Variants in MYO16 observed in about 807,000 individuals in gnomAD.
The protein encoded by MYO16 is unconventional myosin-XVI.
Under a neutral mutation model 205.3 loss-of-function variants are expected in MYO16, and 94 were observed. The observed-to-expected ratio is 0.46, with a 90% confidence interval of 0.39 to 0.54. The LOEUF (loss-of-function observed/expected upper bound fraction) is 0.54. MYO16 is among the 20% of genes least tolerant of loss of function. The probability of loss-of-function intolerance (pLI) is 0.00; values close to 1 mark genes in which losing one functional copy is unlikely to be tolerated. For missense variants in MYO16, 2,315 were observed against 2,387.5 expected (o/e 0.97, Z 0.63); for synonymous variants, 988 against 954.0 (o/e 1.04, Z -0.66).
Position 108,989,442 on chromosome 13 carries a change from A to T in MYO16, c.2370-2934A>T, listed in dbSNP as rs186660177. On this transcript the variant is annotated intron_variant, in intron 20 of 34. Coordinates refer to ENST00000457511, the MANE Select transcript of MYO16 (RefSeq NM_001198950.3). ...ATCTCCATTTCCTCTTTCAAGGCTC[A>T]CTCTATTTCTTTCCAGGCCTTCTGG... is the stretch of plus-strand genomic sequence containing the variant. 3.8e-3 allele frequency among the ~76,000 whole-genome samples: 579 copies of T among 152,098 alleles called. 3 individuals carry two copies. The highest frequency in any genetic ancestry group is 5.6e-3 in the Non-Finnish European group (379 of 67,942).
At chr13:108,554,707 A>G in the MYO16 span, among the ~76,000 whole-genome samples, 12 of 151,874 alleles carry the variant, frequency 7.9e-5, no homozygotes, top group East Asian at 1.9e-4. Flanking sequence ...AAAATTAGCC[A>G]GGAGTGGTGG....
intron 11 of MYO16, among the ~76,000 whole-genome samples, chr13:108,858,626 A>T (rs759627391): frequency 1.5e-4 from 23 of 152,124 alleles, no homozygotes; most frequent in Non-Finnish European, 2.6e-4. Flanking sequence ...TCCTACAGCA[A>T]TTGCATTTTG....
chr13:109,135,132 C>T (rs143515204), intron 31 of MYO16, among the ~76,000 whole-genome samples: 23 of 152,310 alleles, frequency 1.5e-4, no homozygotes, highest in Non-Finnish European at 2.8e-4. Flanking sequence ...GATCCCCCCA[C>T]ACAAGCAAAA....
At chr13:108,503,809 T>A in the MYO16 span, among the ~76,000 whole-genome samples, 2 of 152,084 alleles carry the variant, frequency 1.3e-5, no homozygotes, top group Non-Finnish European at 2.9e-5. Context: ...CTAGAATATA[T>A]CACAATAGTA....
At chr13:108,916,505 C>T (rs9521098) in intron 16 of MYO16, among the ~76,000 whole-genome samples, 1 of 152,052 alleles carries the variant, frequency 6.6e-6, no homozygotes, top group African/African-American at 2.4e-5. Context: ...GCATGTCTGT[C>T]TTTATTTTGC....
chr13:108,805,925 AAAATAAATAAAT>A (rs113156198), intron 6 of MYO16, among the ~76,000 whole-genome samples: 5 of 137,028 alleles, frequency 3.6e-5, no homozygotes, highest in South Asian at 5.0e-4. Context: ...AGTCTCTACC[AAAATAAATAAAT>A]AAATAAATAA....
intron 7 of MYO16, among the ~76,000 whole-genome samples, chr13:108,818,418 AAGAGAG>A (rs148286127): frequency 6.8e-6 from 1 of 148,142 alleles, no homozygotes; most frequent in African/African-American, 2.6e-5. Flanking sequence ...AAAAATAAAA[AAGAGAG>A]AGATTAATAA....
chr13:108,762,844 G>A (rs990860777), intron 4 of MYO16, among the ~76,000 whole-genome samples: 2 of 152,114 alleles, frequency 1.3e-5, no homozygotes, highest in Non-Finnish European at 2.9e-5. Flanking sequence ...CTTAACCTAC[G>A]AGAACACCAT....
At chr13:109,135,150 G>C (rs1353372665) in intron 31 of MYO16, among the ~76,000 whole-genome samples, 1 of 152,206 alleles carries the variant, frequency 6.6e-6, no homozygotes, top group Non-Finnish European at 1.5e-5. Context: ...AAATGCATCA[G>C]AGGGACAGGT....
At chr13:109,121,663 C>T (rs1875995896) in intron 29 of MYO16, among the ~76,000 whole-genome samples, 2 of 152,174 alleles carry the variant, frequency 1.3e-5, no homozygotes, top group African/African-American at 4.8e-5. Flanking sequence ...CCTGTGTTTC[C>T]ATGCAGGGGC....
intron 27 of MYO16, among the ~76,000 whole-genome samples, chr13:109,076,515 T>A (rs1888108741): frequency 6.6e-6 from 1 of 152,150 alleles, no homozygotes; most frequent in Admixed American, 6.5e-5. Context: ...AGCCTCTACT[T>A]CAGGCTCAAG....
intron 27 of MYO16, among the ~76,000 whole-genome samples, chr13:109,093,608 C>T (rs1479027514): frequency 6.6e-6 from 1 of 152,168 alleles, no homozygotes; most frequent in Non-Finnish European, 1.5e-5. Context: ...TGGGAAACGT[C>T]AGCCACAGCC....
intron 2 of MYO16, among the ~76,000 whole-genome samples, chr13:108,694,978 G>C (rs1404609209): frequency 6.6e-6 from 1 of 152,126 alleles, no homozygotes; most frequent in Non-Finnish European, 1.5e-5. Context: ...CGGGTGTGGT[G>C]GCACATTTCT....
intron 9 of MYO16, among the ~76,000 whole-genome samples, chr13:108,836,158 A>G (rs4771615): frequency 0.31 from 47,530 of 152,008 alleles, 8,142 homozygotes; most frequent in East Asian, 0.78. Flanking sequence ...GAGGGACTTG[A>G]TGTCCTGCAC....
chr13:108,873,640 AGG>A (rs1879179983), intron 12 of MYO16, among the ~76,000 whole-genome samples: 1 of 129,300 alleles, frequency 7.7e-6, no homozygotes, highest in Non-Finnish European at 1.7e-5. Flanking sequence ...CCAACCAACC[AGG>A]ACAGGGTCCA....
chr13:109,082,080 G>A (rs1355799098), intron 27 of MYO16, among the ~76,000 whole-genome samples: 1 of 152,204 alleles, frequency 6.6e-6, no homozygotes, highest in African/African-American at 2.4e-5. Context: ...AGAAAATGCT[G>A]ACTTCTGAGC....
intron 33 of MYO16, among the ~76,000 whole-genome samples, chr13:109,176,895 C>G (rs931309290): frequency 2.0e-5 from 3 of 152,150 alleles, no homozygotes; most frequent in African/African-American, 7.2e-5. Flanking sequence ...AGCCCTGACA[C>G]AGGTTCTGGG....
chr13:108,722,307 T>C (rs1884193383), intron 3 of MYO16, among the ~76,000 whole-genome samples: 1 of 152,146 alleles, frequency 6.6e-6, no homozygotes, highest in African/African-American at 2.4e-5. Flanking sequence ...GGGAGGAATA[T>C]TTCCTGGCTT....
chr13:109,099,347 A>G lies in MYO16; in HGVS notation c.3336-1438A>G, dbSNP rs139275543. On this transcript the variant is annotated intron_variant, in intron 27 of 34. Transcript: ENST00000457511. ...TCATTCGCAAAAAACATAAAGCAAG[A>G]AATGCACACTAACATGATGTATAGC... 1.5e-3 allele frequency among the ~76,000 whole-genome samples: 222 copies of G among 152,378 alleles called. 2 individuals are homozygous for G. Among genetic ancestry groups the G allele is most frequent in the Non-Finnish European group, 2.7e-3 (184 of 68,030 alleles).
Sources: allele counts gnomAD v4.1 joint callset (sites outside exome capture counted in the v4.1 genomes callset), GRCh38; gene constraint gnomAD v4.1.1; transcripts MANE v1.5; gene names NCBI Gene and HGNC (gene_info 2026-07-23, HGNC 2026-07-21).